Variants in MRC1 observed in about 807,000 individuals in gnomAD.
The protein encoded by MRC1 is macrophage mannose receptor 1.
MRC1 carries 62 observed loss-of-function variants against 102.9 expected under a neutral mutation model. The ratio of observed to expected loss-of-function variants is 0.60; its 90% CI spans 0.49 to 0.74. The LOEUF (loss-of-function observed/expected upper bound fraction) is 0.74. Among genes scored for constraint, MRC1 ranks in the 30% least tolerant of loss-of-function variants. The pLI is 0.00. For synonymous variants in MRC1, 457 were observed against 298.4 expected (o/e 1.53, Z -5.48); for missense variants, 1,237 against 862.8 (o/e 1.43, Z -5.43).
At chr10:17,873,450 G>T (rs2130679862) in intron 15 of MRC1, among the ~76,000 whole-genome samples, 1 of 151,816 alleles carries the variant, frequency 6.6e-6, no homozygotes, top group African/African-American at 2.4e-5. Flanking sequence ...TTTAAACCCA[G>T]GCTTGGGATT....
At chr10:17,829,622 A>T (rs1838538828) in intron 3 of MRC1, among the ~76,000 whole-genome samples, 2 of 151,554 alleles carry the variant, frequency 1.3e-5, no homozygotes, top group Admixed American at 6.6e-5. Context: ...TTTTTCTAAG[A>T]TAAAGCAATA....
chr10:17,871,900 C>T, intron 14 of MRC1, 82 bp from the exon 15 acceptor site: 1 of 733,258 alleles, frequency 1.4e-6, no homozygotes, highest in Non-Finnish European at 2.5e-6. Flanking sequence ...GCAAACATAT[C>T]TTTCGTTTTC....
At chr10:17,851,168 GAA>G (rs1442645962) in intron 7 of MRC1, among the ~76,000 whole-genome samples, 2 of 152,040 alleles carry the variant, frequency 1.3e-5, no homozygotes, top group Admixed American at 1.3e-4. Flanking sequence ...ATAATGTAGT[GAA>G]AGAAAAAAAC....
intron 1 of MRC1, among the ~76,000 whole-genome samples, chr10:17,813,557 G>T (rs1215970518): frequency 6.7e-6 from 1 of 150,116 alleles, no homozygotes; most frequent in Non-Finnish European, 1.5e-5. Flanking sequence ...TTTTAAATTT[G>T]TTCTCCATCT....
intron 26 of MRC1, among the ~76,000 whole-genome samples, chr10:17,904,067 T>C (rs943599941): frequency 5.9e-5 from 9 of 152,356 alleles, no homozygotes; most frequent in Non-Finnish European, 1.0e-4. Context: ...TCTGTGCTGT[T>C]ATTGGCAGAC....
At chr10:17,861,979 T>C (rs1391900728) in intron 10 of MRC1, among the ~76,000 whole-genome samples, 1 of 152,222 alleles carries the variant, frequency 6.6e-6, no homozygotes, top group South Asian at 2.1e-4. Flanking sequence ...CACATGGACA[T>C]AGAGGAGCTT....
chr10:17,843,406 G>A (rs1437484977), intron 5 of MRC1, among the ~76,000 whole-genome samples: 3 of 152,096 alleles, frequency 2.0e-5, no homozygotes, highest in African/African-American at 7.2e-5. Context: ...AGTGGCTCAC[G>A]CCTGTAATAC....
In MRC1 at chr10:17,809,398, C is replaced by A; in HGVS notation, c.-68C>A. ...ATTAGGTGGAGAGGCAGTTGGGGGG[C>A]CTCGTTGTTTTGCGTCTTAGTTCCG... On this transcript the variant is annotated 5_prime_UTR_variant, in exon 1 of 30. Coordinates refer to ENST00000569591, the MANE Select transcript of MRC1 (RefSeq NM_002438.4). 1 of 863,002 alleles carries A rather than the reference C, an allele frequency of 1.2e-6. No individual in the cohort carries two copies. The highest frequency in any genetic ancestry group is 1.7e-5 in the Admixed American group (1 of 59,150). 53.5% of individuals were successfully genotyped at this position (863,002 alleles called of 1,614,324 possible).
intron 11 of MRC1, among the ~76,000 whole-genome samples, chr10:17,864,887 G>A (rs1305491741): frequency 1.4e-5 from 2 of 145,096 alleles, no homozygotes; most frequent in African/African-American, 5.2e-5. Flanking sequence ...TATGTGACTA[G>A]AAAGCTTCCA....
intron 17 of MRC1, among the ~76,000 whole-genome samples, chr10:17,875,637 T>TA (rs1833426095): frequency 6.6e-6 from 1 of 152,244 alleles, no homozygotes; most frequent in Non-Finnish European, 1.5e-5. Flanking sequence ...GGTATGTCTA[T>TA]ACCACATTTT....
chr10:17,907,128 T>C (rs1833905705), intron 27 of MRC1, 129 bp downstream of exon 27: 2 of 685,944 alleles, frequency 2.9e-6, no homozygotes, highest in Admixed American at 2.4e-5. Flanking sequence ...TTCAAACTCA[T>C]ATTTTTATTT....
intron 4 of MRC1, among the ~76,000 whole-genome samples, chr10:17,837,040 G>C (rs570676347): frequency 6.6e-6 from 1 of 152,158 alleles, no homozygotes; most frequent in South Asian, 2.1e-4. Flanking sequence ...CAAGTGATCT[G>C]AGCGGACAGC....
chr10:17,875,785 G>A (rs1833428403), intron 17 of MRC1, among the ~76,000 whole-genome samples: 4 of 152,158 alleles, frequency 2.6e-5, no homozygotes, highest in Admixed American at 2.6e-4. Context: ...ATACCCAGTA[G>A]TGGGATTGCT....
In MRC1 at chr10:17,909,360, C is replaced by T; in HGVS notation, c.4120+13C>T. 6 of 870,150 alleles carry T rather than the reference C, an allele frequency of 6.9e-6. No homozygotes were observed. The highest frequency in any genetic ancestry group is 1.2e-5 in the Non-Finnish European group (6 of 499,638). The allele number at this position is 870,150 out of a possible 1,614,324, so 53.9% of individuals were successfully genotyped here. A position where few individuals can be genotyped will look rare whatever the true frequency, so the allele number is the denominator to read the frequency against. ...CTTACAACAAAAGGTAAGGCCATTG[C>T]AAAATTTCAAGTTCTGTGTTAGTAA... On this transcript the variant is annotated intron_variant, in intron 29 of 29. Coordinates refer to ENST00000569591, the MANE Select transcript of MRC1 (RefSeq NM_002438.4).
chr10:17,910,452 A>T lies in MRC1; in HGVS notation c.4358A>T (p.His1453Leu). 1 of 780,750 alleles carries T rather than the reference A, an allele frequency of 1.3e-6. No homozygotes were observed. The highest frequency in any genetic ancestry group is 1.7e-5 in the Admixed American group (1 of 59,002). The allele number at this position is 780,750 out of a possible 1,614,324, so 48.4% of individuals were successfully genotyped here. Residue 1453 changes from histidine (H) to leucine (L), a missense_variant, in exon 30 of 30, where the codon CAC becomes CTC. Physicochemically the swap from His to Leu is moderately conservative, Grantham distance 99 (BLOSUM62 -3). Transcript: ENST00000569591. ...GTGGGCAATATTGAACAGAATGAAC[A>T]CTCGGTCATCTAGTACCTCAATGCG... ...DLVGNIEQNEHSVI is the reference protein window; with the variant it reads ...DLVGNIEQNELSVI
intron 8 of MRC1, 55 bp from the exon 9 acceptor site, chr10:17,856,187 A>AAAAAG: frequency 1.3e-6 from 1 of 756,726 alleles, no homozygotes. Context: ...AAAAAAAAAA[A>AAAAAG]AAGGTCCCCA....
intron 1 of MRC1, among the ~76,000 whole-genome samples, chr10:17,809,860 T>A (rs1838196744): frequency 6.6e-6 from 1 of 152,124 alleles, no homozygotes; most frequent in African/African-American, 2.4e-5. Context: ...TGTGGTTTAC[T>A]CTTTCTGGTT....
chr10:17,833,157 C>T (rs1838605274), intron 3 of MRC1, among the ~76,000 whole-genome samples: 3 of 152,010 alleles, frequency 2.0e-5, no homozygotes. Context: ...TGTAGCTGAT[C>T]CTTTGAAACC....
intron 2 of MRC1, among the ~76,000 whole-genome samples, chr10:17,824,728 T>A (rs1838447458): frequency 6.6e-6 from 1 of 151,946 alleles, no homozygotes; most frequent in East Asian, 1.9e-4. Flanking sequence ...ATTCCACAGG[T>A]GGGACAATTG....
Sources: allele counts gnomAD v4.1 joint callset (sites outside exome capture counted in the v4.1 genomes callset), GRCh38; gene constraint gnomAD v4.1.1; transcripts MANE v1.5; gene names NCBI Gene and HGNC (gene_info 2026-07-23, HGNC 2026-07-21).